The following ACAD11 variants were observed in gnomAD, a reference collection of about 807,000 sequenced individuals.
ACAD11 encodes acyl-CoA dehydrogenase family member 11, also known as acyl-Coenzyme A dehydrogenase family, member 11.
In ACAD11, 83 loss-of-function variants were observed where a neutral mutation model predicts 102.2. The observed-to-expected ratio is 0.81, with a 90% CI of 0.68 to 0.97. ACAD11 has a LOEUF of 0.97. Among genes scored for constraint, ACAD11 ranks in the 50% least tolerant of loss-of-function variants. ACAD11 has a pLI of 0.00. For synonymous variants in ACAD11, 324 were observed against 319.8 expected (o/e 1.01, Z -0.14); for missense variants, 901 against 951.7 (o/e 0.95, Z 0.70).
intron 16 of ACAD11, among the ~76,000 whole-genome samples, chr3:132,576,182 T>C (rs1161927448): frequency 1.3e-5 from 2 of 152,238 alleles, no homozygotes; most frequent in African/African-American, 4.8e-5. Flanking sequence ...AGCTATTTTA[T>C]TAATGCTGCA....
intron 17 of ACAD11, among the ~76,000 whole-genome samples, chr3:132,564,567 G>A (rs1937156558): frequency 6.6e-6 from 1 of 152,136 alleles, no homozygotes; most frequent in Admixed American, 6.5e-5. Flanking sequence ...ACATACTAGA[G>A]CGTGTGGGTC....
At chr3:132,604,236 G>T (rs1938744532) in intron 12 of ACAD11, among the ~76,000 whole-genome samples, 2 of 152,106 alleles carry the variant, frequency 1.3e-5, no homozygotes, top group African/African-American at 4.8e-5. Context: ...TTTTTAAATA[G>T]TGTACCATTC....
chr3:132,615,921 GA>G (rs1358885799), intron 11 of ACAD11, among the ~76,000 whole-genome samples: 13 of 152,194 alleles, frequency 8.5e-5, no homozygotes, highest in African/African-American at 2.4e-4. Context: ...TTGAAGGGGG[GA>G]AAAAGGGCAA....
intron 13 of ACAD11, among the ~76,000 whole-genome samples, chr3:132,586,797 A>G (rs983439091): frequency 1.3e-5 from 2 of 152,240 alleles, no homozygotes; most frequent in Non-Finnish European, 2.9e-5. Context: ...TCATGCATCA[A>G]AAAGTCTATA....
At chr3:132,653,765 C>A (rs1253585016) in intron 1 of ACAD11, among the ~76,000 whole-genome samples, 2 of 152,148 alleles carry the variant, frequency 1.3e-5, no homozygotes, top group Non-Finnish European at 2.9e-5. Flanking sequence ...ACCTCTTTGG[C>A]CACTTCTTCT....
At chr3:132,606,741 A>AG (rs1460788173) in intron 11 of ACAD11, among the ~76,000 whole-genome samples, 1 of 152,232 alleles carries the variant, frequency 6.6e-6, no homozygotes, top group Non-Finnish European at 1.5e-5. Flanking sequence ...CCGGCACTGA[A>AG]GGGAGCAGCG....
chr3:132,574,140 C>T (rs894722547), intron 17 of ACAD11, among the ~76,000 whole-genome samples: 4 of 152,198 alleles, frequency 2.6e-5, no homozygotes, highest in African/African-American at 9.7e-5. Flanking sequence ...CTCAGGAAAG[C>T]AGCACTTGCA....
In ACAD11 at chr3:132,619,465, T is replaced by C. The variant is rs1939530648; in HGVS notation, c.1275+3A>G. On this transcript the variant is annotated splice_donor_region_variant and intron_variant, in intron 10 of 19. Transcript: ENST00000264990. ...AATTTTCTAGCGTTAAAGATTTTCT[T>C]ACCTTGAGTTTATCAATCACTAAAG... 1.3e-6 allele frequency: 2 copies of C among 1,568,336 alleles called. No homozygotes were observed. The highest frequency in any genetic ancestry group is 1.2e-5 in the South Asian group (1 of 82,314).
chr3:132,639,538 A>T lies in ACAD11; in HGVS notation c.656T>A (p.Ile219Asn), dbSNP rs1386817334. ...GTTATCTAGTCTGAAATCTCCATGA[A>T]TCAAATTCTCTTCATTGTCATTATC... ...LPDNDNEENL[I>N]HGDFRLDNIV... is the part of the protein sequence containing the mutation. Residue 219 changes from isoleucine to asparagine, a missense_variant, in exon 5 of 20, where the codon ATT becomes AAT. Ile to Asn is a moderately radical substitution (Grantham distance 149). Transcript: ENST00000264990. 6.2e-7 allele frequency: 1 copy of T among 1,613,884 alleles called. No individual in the cohort carries two copies. Among genetic ancestry groups the T allele is most frequent in the Non-Finnish European group, 8.5e-7 (1 of 1,179,972 alleles).
At chr3:132,633,488 G>A (rs887915184) in intron 5 of ACAD11, among the ~76,000 whole-genome samples, 1 of 152,152 alleles carries the variant, frequency 6.6e-6, no homozygotes, top group African/African-American at 2.4e-5. Context: ...GTATTTTATT[G>A]AGGATTTTTG....
chr3:132,606,988 C>T (rs777161876), intron 11 of ACAD11, among the ~76,000 whole-genome samples: 1 of 152,160 alleles, frequency 6.6e-6, no homozygotes, highest in Non-Finnish European at 1.5e-5. Flanking sequence ...TCCGGGCAAA[C>T]AGGGTTGGGA....
chr3:132,620,239 G>T (rs1364152936), intron 9 of ACAD11: 1 of 152,194 alleles, frequency 6.6e-6, no homozygotes, highest in Admixed American at 6.5e-5. Context: ...CTTAGCTCTG[G>T]CTGGAATAGA....
chr3:132,577,421 T>C (rs553796443), intron 15 of ACAD11, among the ~76,000 whole-genome samples: 1 of 152,314 alleles, frequency 6.6e-6, no homozygotes, highest in South Asian at 2.1e-4. Context: ...ATGAGTAATG[T>C]AATCCATGTT....
At chr3:132,561,390 C>CT in intron 17 of ACAD11, 173 bp from the exon 18 acceptor site, 1 of 645,926 alleles carries the variant, frequency 1.5e-6, no homozygotes, top group South Asian at 1.5e-5. Flanking sequence ...ATACACCAGC[C>CT]TAACCACATA....
At chr3:132,616,879 A>G (rs1939427689) in intron 11 of ACAD11, among the ~76,000 whole-genome samples, 1 of 152,226 alleles carries the variant, frequency 6.6e-6, no homozygotes, top group Admixed American at 6.5e-5. Context: ...GTGTTTGGAA[A>G]AGAGATAATC....
chr3:132,611,241 T>A (rs968762075), intron 11 of ACAD11, among the ~76,000 whole-genome samples: 1 of 152,076 alleles, frequency 6.6e-6, no homozygotes, highest in Non-Finnish European at 1.5e-5. Flanking sequence ...ATAAGAGCTA[T>A]CTATGACAAA....
At chr3:132,640,019 C>A (rs997411362) in intron 4 of ACAD11, among the ~76,000 whole-genome samples, 4 of 151,260 alleles carry the variant, frequency 2.6e-5, no homozygotes, top group Admixed American at 1.3e-4. Context: ...CACACACACA[C>A]AAATATATAG....
intron 11 of ACAD11, among the ~76,000 whole-genome samples, chr3:132,615,681 T>C (rs1006280276): frequency 1.3e-5 from 2 of 151,920 alleles, no homozygotes; most frequent in Admixed American, 6.6e-5. Flanking sequence ...TGTCGCAAGG[T>C]GAGGGGTTAG....
At chr3:132,568,825 A>G (rs1284071113) in intron 17 of ACAD11, among the ~76,000 whole-genome samples, 1 of 143,582 alleles carries the variant, frequency 7.0e-6, no homozygotes, top group African/African-American at 2.5e-5. Context: ...AAAAAAAAAA[A>G]AAGAAGCTTG....
Sources: allele counts gnomAD v4.1 joint callset (sites outside exome capture counted in the v4.1 genomes callset), GRCh38; gene constraint gnomAD v4.1.1; transcripts MANE v1.5; gene names NCBI Gene and HGNC (gene_info 2026-07-23, HGNC 2026-07-21).